The following CEP89 variants were observed in gnomAD, a reference collection of about 807,000 sequenced individuals.
CEP89 encodes the protein centrosomal protein of 89 kDa.
A neutral mutation model predicts 97.6 loss-of-function variants in CEP89; 95 were observed. The ratio of observed to expected loss-of-function variants is 0.97; its 90% confidence interval spans 0.82 to 1.15. The LOEUF is 1.15. Ranked by LOEUF, CEP89 falls within the 50% of genes most tolerant of loss-of-function variation. The pLI is 0.00. For missense variants in CEP89, 869 were observed against 947.7 expected, an observed-to-expected ratio of 0.92 and a Z score of 1.09; for synonymous variants, 354 against 349.1, an observed-to-expected ratio of 1.01 and a Z score of -0.16.
intron 2 of CEP89, among the ~76,000 whole-genome samples, chr19:32,964,102 C>A (rs908115279): frequency 9.9e-5 from 15 of 152,146 alleles, no homozygotes; most frequent in African/African-American, 3.6e-4. Context: ...AAATTAAATA[C>A]CTGCCTAGTA....
At chr19:32,951,534 T>TATATACACACACACAC (rs1407110112) in intron 4 of CEP89, among the ~76,000 whole-genome samples, 6 of 122,038 alleles carry the variant, frequency 4.9e-5, no homozygotes, top group African/African-American at 2.1e-4. Flanking sequence ...TATATATATA[T>TATATACACACACACAC]ACACACACAC....
Position 32,878,618 on chromosome 19 carries a change from A to G in CEP89, c.*544T>C, listed in dbSNP as rs576381543. On this transcript the variant is annotated 3_prime_UTR_variant, in exon 19 of 19. Transcript: ENST00000305768. ...TGTCATAGAACTCATCTCAGTGGCA[A>G]TGTGGCCAGAGAACATGCCCTGGCT... is the stretch of plus-strand genomic sequence containing the variant. The G allele has an allele frequency of 6.6e-6, 1 of 152,454 alleles. No homozygotes were observed. The highest frequency in any genetic ancestry group is 1.9e-4 in the East Asian group (1 of 5,184). 9.4% of individuals were successfully genotyped at this position (152,454 alleles called of 1,614,324 possible). A position where few individuals can be genotyped will look rare whatever the true frequency, so the allele number is the denominator to read the frequency against.
In CEP89 at chr19:32,939,901, A is replaced by T; in HGVS notation, c.596-16T>A. ...TGTTTACCATCTGATGAAGAAAAAG[A>T]GAGAGAGATAAACTTTTAAAGTAGA... On this transcript the variant is annotated splice_polypyrimidine_tract_variant and intron_variant, in intron 5 of 18. Coordinates refer to ENST00000305768, the MANE Select transcript of CEP89 (RefSeq NM_032816.5). The T allele has an allele frequency of 8.2e-7, 1 of 1,219,966 alleles. No individual in the cohort carries two copies. The highest frequency in any genetic ancestry group is 1.2e-6 in the Non-Finnish European group (1 of 845,498). The allele number at this position is 1,219,966 out of a possible 1,614,324, so 75.6% of individuals were successfully genotyped here.
chr19:32,880,356 T>C (rs1383852839), intron 18 of CEP89, among the ~76,000 whole-genome samples: 2 of 152,230 alleles, frequency 1.3e-5, no homozygotes, highest in South Asian at 2.1e-4. Flanking sequence ...GTCACTTTTC[T>C]TGTGAACGTT....
intron 2 of CEP89, chr19:32,963,923 C>CACAG (rs57994725): frequency 1.4e-5 from 2 of 145,884 alleles, no homozygotes; most frequent in African/African-American, 2.6e-5. Flanking sequence ...CACACACGCA[C>CACAG]TCACACGCAT....
chr19:32,947,324 T>G (rs183293920), intron 5 of CEP89, among the ~76,000 whole-genome samples: 1 of 152,154 alleles, frequency 6.6e-6, no homozygotes, highest in South Asian at 2.1e-4. Context: ...TGGGCCACTG[T>G]GGGCCAGGTC....
chr19:32,964,630 G>A (rs1233514175), intron 2 of CEP89, among the ~76,000 whole-genome samples: 7 of 152,250 alleles, frequency 4.6e-5, no homozygotes, highest in South Asian at 4.1e-4. Flanking sequence ...TTCGGAACAC[G>A]CGTTAATCAG....
At position 32,879,072 on chromosome 19, in the gene CEP89, G is replaced by A. The variant is rs1263253819; in HGVS notation, c.*90C>T. ...GCGTTCAGTGGGCTTACGCACCTCC[G>A]GCTGCCACCATGGGCTGCCCTGCAG... is the stretch of plus-strand genomic sequence containing the variant. On this transcript the variant is annotated 3_prime_UTR_variant, in exon 19 of 19. Transcript: ENST00000305768. 12 of 1,045,994 alleles carry A rather than the reference G, an allele frequency of 1.1e-5. No individual in the cohort carries two copies. Among genetic ancestry groups the A allele is most frequent in the Admixed American group, 2.3e-5 (1 of 42,954 alleles). The allele number at this position is 1,045,994 out of a possible 1,614,324, so 64.8% of individuals were successfully genotyped here.
chr19:32,879,174 G>A lies in CEP89; in HGVS notation c.2340C>T (p.Ala780=), dbSNP rs139465833. The change falls in exon 19 of 19, where the codon GCC becomes GCT. Residue 780 remains alanine, a synonymous_variant. Coordinates refer to ENST00000305768, the MANE Select transcript of CEP89 (RefSeq NM_032816.5). The stretch of plus-strand genomic sequence containing the variant: ...GCTCCCGCAGATTCTAGCAGGTGGG[G>A]GCATGAGACTTCAGGTCATAGGAGC... ...DVCSYDLKSH[A]PTC is the part of the protein sequence containing the mutation. The A allele has an allele frequency of 4.6e-5, 74 of 1,610,366 alleles. No individual in the cohort carries two copies. The African/African-American group carries it at 8.3e-4, about 18-fold the overall frequency.
chr19:32,952,334 A>AT, intron 4 of CEP89, among the ~76,000 whole-genome samples: 1 of 150,828 alleles, frequency 6.6e-6, no homozygotes, highest in East Asian at 1.9e-4. Context: ...AAAAAAAAAA[A>AT]GCCAGTTGTG....
Position 32,901,236 on chromosome 19 carries a change from GAC to G in CEP89, c.1733+7_1733+8del. On this transcript the variant is annotated splice_region_variant and intron_variant, in intron 15 of 18. Transcript: ENST00000305768. Reference sequence around the variant, plus strand: ...ATAAAAGCAACTTAAAGGAAAAAAAGACACAAACCTATTGATTTTCTGTGCTC... The same window carrying G: ...ATAAAAGCAACTTAAAGGAAAAAAAGACAAACCTATTGATTTTCTGTGCTC... 1.2e-6 allele frequency: 2 copies of G among 1,608,226 alleles called. No individual in the cohort carries two copies. The highest frequency in any genetic ancestry group is 1.7e-6 in the Non-Finnish European group (2 of 1,178,448).
rs1396761054 is a variant in CEP89, at chr19:32,879,811, G to A, written c.2136-433C>T. On this transcript the variant is annotated intron_variant, in intron 18 of 18. Coordinates refer to ENST00000305768, the MANE Select transcript of CEP89 (RefSeq NM_032816.5). The stretch of plus-strand genomic sequence containing the variant: ...TGGCCTGGCCACAGGCACCCACACA[G>A]CCCCTCCTGTGTCCCGTCTGCTTGT... Among the ~76,000 whole-genome samples the A allele has an allele frequency of 4.6e-5, 7 of 152,232 alleles. No homozygotes were observed. The East Asian group carries it at 1.3e-3, about 29-fold the overall frequency.
intron 11 of CEP89, among the ~76,000 whole-genome samples, chr19:32,925,410 A>T (rs560626128): frequency 2.6e-4 from 39 of 151,888 alleles, no homozygotes; most frequent in Non-Finnish European, 4.9e-4. Context: ...GGGTCAGCTC[A>T]TCCTAGAATT....
At chr19:32,957,014 T>A (rs1599777420) in intron 3 of CEP89, among the ~76,000 whole-genome samples, 1 of 152,224 alleles carries the variant, frequency 6.6e-6, no homozygotes, top group Admixed American at 6.5e-5. Flanking sequence ...CACTGAATGC[T>A]TTCCTTCCCC....
At position 32,937,674 on chromosome 19, in the gene CEP89, C is replaced by T. The variant is rs1299946124; in HGVS notation, c.625-1G>A. The T allele has an allele frequency of 1.2e-6, 2 of 1,603,956 alleles. No individual in the cohort carries two copies. Among genetic ancestry groups the T allele is most frequent in the Admixed American group, 1.7e-5 (1 of 58,984 alleles). ...TCTCACATAATGGAGGTTTTTCATC[C>T]TAGGAAAGAAAGAACATAAGAGGAA... On this transcript the variant is annotated splice_acceptor_variant, in intron 6 of 18. Transcript: ENST00000305768. LOFTEE classifies it high-confidence loss of function.
At chr19:32,908,295 T>C (rs1969929372) in intron 14 of CEP89, among the ~76,000 whole-genome samples, 4 of 152,244 alleles carry the variant, frequency 2.6e-5, no homozygotes, top group Admixed American at 2.0e-4. Context: ...CAAATCTTTT[T>C]TCAGTGGAAA....
At chr19:32,926,138 C>T (rs3813150) in intron 11 of CEP89, 52 bp downstream of exon 11, 80,098 of 1,264,428 alleles carry the variant, frequency 0.063, 3,227 homozygotes, top group South Asian at 0.14. Flanking sequence ...AAATTTGAAG[C>T]GGTCCTATAT....
rs117187239 is a variant in CEP89, at chr19:32,925,528, C to T, written c.1164+662G>A. On this transcript the variant is annotated intron_variant, in intron 11 of 18. Coordinates refer to ENST00000305768, the MANE Select transcript of CEP89 (RefSeq NM_032816.5). ...TTTTCGAGACGGAGTCTGGCCCCAT[C>T]GCCAGGCTGGAGTGCAGTGATGCAA... Among the ~76,000 whole-genome samples, 118 of 144,956 alleles carry T rather than the reference C, an allele frequency of 8.1e-4. 1 individual carries two copies. In the East Asian group the frequency reaches 0.021, roughly 26 times the overall value.
intron 4 of CEP89, among the ~76,000 whole-genome samples, chr19:32,949,835 G>A (rs1422804608): frequency 2.0e-5 from 3 of 152,130 alleles, no homozygotes; most frequent in Non-Finnish European, 4.4e-5. Flanking sequence ...CCCTGGGGCT[G>A]ACAAGGAGGT....
Sources: gnomAD v4.1 joint callset for allele counts (sites outside exome capture counted in the v4.1 genomes callset) on GRCh38, gnomAD v4.1.1 for gene constraint, MANE v1.5 for transcripts, NCBI Gene and HGNC (gene_info 2026-07-23, HGNC 2026-07-21) for gene names.